The following CFI variants were observed in gnomAD, a reference collection of about 807,000 sequenced individuals.
CFI encodes C3B/C4B inactivator.
In CFI, 66 loss-of-function variants were observed where a neutral mutation model predicts 78.8. That is an observed-to-expected ratio of 0.84 (90% CI 0.69 to 1.03). The LOEUF (loss-of-function observed/expected upper bound fraction) is 1.03, where lower values mean the gene tolerates loss of function less well. Ranked by LOEUF, CFI falls within the 50% of genes least tolerant of loss-of-function variation. The pLI, the probability that CFI is intolerant of heterozygous loss-of-function variation, is 0.00. For synonymous variants in CFI, 250 were observed against 232.6 expected, an observed-to-expected ratio of 1.07 and a Z score of -0.68; for missense variants, 706 against 704.5, an observed-to-expected ratio of 1.00 and a Z score of -0.02.
At chr4:109,758,502 T>A (rs1362428163) in intron 6 of CFI, among the ~76,000 whole-genome samples, 1 of 152,134 alleles carries the variant, frequency 6.6e-6, no homozygotes, top group Admixed American at 6.5e-5. Context: ...CTCATTGCTT[T>A]GAAACTTGGT....
At chr4:109,772,155 T>C (rs1158715268) in intron 1 of CFI, among the ~76,000 whole-genome samples, 1 of 152,142 alleles carries the variant, frequency 6.6e-6, no homozygotes, top group Non-Finnish European at 1.5e-5. Context: ...AGACAGAAAA[T>C]CACTGTTGAA....
At chr4:109,766,886 G>A in intron 1 of CFI, 62 bp from the exon 2 acceptor site, 2 of 1,559,010 alleles carry the variant, frequency 1.3e-6, no homozygotes, top group Non-Finnish European at 1.8e-6. Context: ...TTGAAGATGA[G>A]TAAGTGAAGG....
intron 1 of CFI, 152 bp downstream of exon 1, chr4:109,801,763 A>G: frequency 3.5e-6 from 2 of 571,208 alleles, no homozygotes; most frequent in Non-Finnish European, 6.2e-6. Context: ...AGATATTAAC[A>G]TAAAACATTT....
chr4:109,745,876 A>G (rs902058945), intron 11 of CFI, among the ~76,000 whole-genome samples: 1 of 152,200 alleles, frequency 6.6e-6, no homozygotes, highest in African/African-American at 2.4e-5. Flanking sequence ...CCACAGGATC[A>G]TAGAGAGAAT....
At chr4:109,787,815 C>G (rs1730927002) in intron 1 of CFI, among the ~76,000 whole-genome samples, 1 of 151,538 alleles carries the variant, frequency 6.6e-6, no homozygotes, top group East Asian at 1.9e-4. Flanking sequence ...GTTTTCTGGT[C>G]TTGTTTTTTT....
At chr4:109,768,334 T>TAAAAAAAAAAAAAAA (rs756365540) in intron 1 of CFI, among the ~76,000 whole-genome samples, 3 of 63,180 alleles carry the variant, frequency 4.7e-5, no homozygotes, top group South Asian at 5.9e-4. Flanking sequence ...GAAGAAATCC[T>TAAAAAAAAAAAAAAA]AAAAAAAAAA....
intron 2 of CFI, among the ~76,000 whole-genome samples, chr4:109,765,811 G>A (rs1727664789): frequency 6.6e-6 from 1 of 152,026 alleles, no homozygotes; most frequent in Non-Finnish European, 1.5e-5. Flanking sequence ...TGGGGGGGAC[G>A]GCTGTTGAAA....
chr4:109,780,321 C>A (rs1253717606), intron 1 of CFI, among the ~76,000 whole-genome samples: 1 of 152,034 alleles, frequency 6.6e-6, no homozygotes, highest in Non-Finnish European at 1.5e-5. Flanking sequence ...AAAACCCCAT[C>A]AAAAAGTGGT....
intron 1 of CFI, 31 bp from the exon 2 acceptor site, chr4:109,766,855 C>T: frequency 6.2e-7 from 1 of 1,611,494 alleles, no homozygotes; most frequent in Non-Finnish European, 8.5e-7. Context: ...ATTAACTTAG[C>T]AACAAATTAA....
intron 3 of CFI, among the ~76,000 whole-genome samples, chr4:109,763,898 T>A (rs1727390569): frequency 6.6e-6 from 1 of 150,704 alleles, no homozygotes; most frequent in Non-Finnish European, 1.5e-5. Flanking sequence ...CTAAATTACA[T>A]ATGGGGCAAA....
At chr4:109,754,260 G>C (rs1725829785) in intron 7 of CFI, among the ~76,000 whole-genome samples, 1 of 151,700 alleles carries the variant, frequency 6.6e-6, no homozygotes, top group African/African-American at 2.4e-5. Flanking sequence ...GGAATTACAG[G>C]TGTGAGCTAC....
At position 109,741,051 on chromosome 4, in the gene CFI, T is replaced by C. The variant is rs1723730571; in HGVS notation, c.1594A>G (p.Met532Val). The C allele has an allele frequency of 4.3e-6, 7 of 1,614,162 alleles. No individual in the cohort carries two copies. Among genetic ancestry groups the C allele is most frequent in the South Asian group, 1.1e-5 (1 of 91,084 alleles). The change falls in exon 13 of 13, where the codon ATG becomes GTG. Residue 532 changes from methionine (M) to valine (V), a missense_variant. Coordinates refer to ENST00000394634, the MANE Select transcript of CFI (RefSeq NM_000204.5). ...ACATAAGTCACATTGTTGGCATCCA[T>C]ACAGACTAAGGGGCCTCCAGAGTCC... ...KGDSGGPLVC[M>V]DANNVTYVWG...
chr4:109,751,852 A>T (rs190924453), intron 8 of CFI, among the ~76,000 whole-genome samples: 148 of 152,270 alleles, frequency 9.7e-4, no homozygotes, highest in South Asian at 4.6e-3. Context: ...TGAAACAGGG[A>T]GCTATTTTAT....
intron 1 of CFI, among the ~76,000 whole-genome samples, chr4:109,771,744 A>AAT: frequency 6.8e-6 from 1 of 148,030 alleles, no homozygotes; most frequent in East Asian, 2.0e-4. Flanking sequence ...AAAAAAAAAA[A>AAT]GTAGAAGATT....
chr4:109,801,940 A>C lies in CFI; in HGVS notation c.32T>G (p.Leu11Arg), dbSNP rs747536436. 1 of 1,612,568 alleles carries C rather than the reference A, an allele frequency of 6.2e-7. No homozygotes were observed. Among genetic ancestry groups the C allele is most frequent in the Non-Finnish European group, 8.5e-7 (1 of 1,178,872 alleles). ...CTTGCAAAACCTTAAGTGGAAGCACAGAAATAACAGGAAAACATGAAGAAG... is the reference window on the plus strand; with the variant it reads ...CTTGCAAAACCTTAAGTGGAAGCACCGAAATAACAGGAAAACATGAAGAAG... MKLLHVFLLF[L>R]CFHLRFCKVT... is the part of the protein sequence containing the mutation. The change falls in exon 1 of 13, where the codon CTG becomes CGG. Residue 11 changes from leucine to arginine, a missense_variant. By Grantham distance (102) the Leu-to-Arg change is moderately radical. Transcript: ENST00000394634.
chr4:109,749,717 G>T, intron 8 of CFI, 115 bp from the exon 9 acceptor site: 1 of 702,264 alleles, frequency 1.4e-6, no homozygotes. Flanking sequence ...TACAAGACAG[G>T]CTGGAATCAT....
At chr4:109,756,970 AAAG>A (rs1370700471) in intron 7 of CFI, among the ~76,000 whole-genome samples, 8 of 139,868 alleles carry the variant, frequency 5.7e-5, no homozygotes, top group African/African-American at 1.1e-4. Flanking sequence ...AGAAAGAAAG[AAAG>A]AAAGAAATTC....
chr4:109,757,131 C>T (rs1726414550), intron 7 of CFI, among the ~76,000 whole-genome samples: 1 of 151,800 alleles, frequency 6.6e-6, no homozygotes, highest in African/African-American at 2.4e-5. Flanking sequence ...CGGGTTCACG[C>T]CATTCTCCTG....
chr4:109,763,252 A>C (rs1727307242), intron 3 of CFI, among the ~76,000 whole-genome samples: 1 of 152,120 alleles, frequency 6.6e-6, no homozygotes, highest in Admixed American at 6.5e-5. Flanking sequence ...TGGGTTAATT[A>C]CATTTTTTTC....
Sources: allele counts gnomAD v4.1 joint callset (sites outside exome capture counted in the v4.1 genomes callset), GRCh38; gene constraint gnomAD v4.1.1; transcripts MANE v1.5; gene names NCBI Gene and HGNC (gene_info 2026-07-23, HGNC 2026-07-21).